Variants in ERG observed in about 807,000 individuals in gnomAD.
The protein encoded by ERG is ETS transcription factor ERG, also known as transcriptional regulator ERG.
ERG carries 9 observed loss-of-function variants against 55.3 expected under a neutral mutation model. That is an observed-to-expected ratio of 0.16 (90% CI 0.10 to 0.28). ERG has a LOEUF of 0.28. Among genes scored for constraint, ERG ranks in the 10% least tolerant of loss-of-function variants. The pLI is 1.00. For missense variants in ERG, 434 were observed against 631.6 expected (o/e 0.69, Z 3.35); for synonymous variants, 223 against 237.3 (o/e 0.94, Z 0.55).
chr21:38,458,317 G>A (rs1241527535), intron 1 of ERG, among the ~76,000 whole-genome samples: 8 of 151,874 alleles, frequency 5.3e-5, no homozygotes, highest in Non-Finnish European at 8.8e-5. Flanking sequence ...CCAGCTACTC[G>A]GTAGGCCGAG....
chr21:38,428,764 C>T (rs1989963532), intron 2 of ERG, among the ~76,000 whole-genome samples: 1 of 152,162 alleles, frequency 6.6e-6, no homozygotes, highest in Non-Finnish European at 1.5e-5. Flanking sequence ...AACAGATAAT[C>T]ATTTAGTAAA....
chr21:38,591,406 G>A (rs1371211282), intron 1 of ERG, among the ~76,000 whole-genome samples: 1 of 152,180 alleles, frequency 6.6e-6, no homozygotes. Context: ...AGTTAGGGAG[G>A]GAGTGGCAGT....
chr21:38,367,554 G>C, the ERG span: 2 of 484,258 alleles, frequency 4.1e-6, no homozygotes, highest in Non-Finnish European at 8.0e-6. Context: ...GATGCAAAGA[G>C]AAGGCCACGC....
intron 2 of ERG, among the ~76,000 whole-genome samples, chr21:38,523,053 T>C (rs939910329): frequency 6.6e-6 from 1 of 152,232 alleles, no homozygotes; most frequent in African/African-American, 2.4e-5. Flanking sequence ...AAATGGTTTC[T>C]CAAAGGAGGC....
chr21:38,548,969 C>T (rs1426597452), intron 2 of ERG, among the ~76,000 whole-genome samples: 1 of 151,330 alleles, frequency 6.6e-6, no homozygotes, highest in African/African-American at 2.4e-5. Context: ...AAAAATTAGC[C>T]AGGCATGGTG....
At chr21:38,643,021 C>T (rs1282236834) in intron 1 of ERG, among the ~76,000 whole-genome samples, 1 of 152,142 alleles carries the variant, frequency 6.6e-6, no homozygotes, top group Admixed American at 6.5e-5. Context: ...TCTTAGCGCC[C>T]CCTTCCCTTA....
At chr21:38,488,110 C>A (rs1772845919) in intron 1 of ERG, among the ~76,000 whole-genome samples, 1 of 152,120 alleles carries the variant, frequency 6.6e-6, no homozygotes, top group South Asian at 2.1e-4. Context: ...CTTCCCTTCG[C>A]AATGCACTGT....
intron 1 of ERG, among the ~76,000 whole-genome samples, chr21:38,653,256 C>G (rs564163445): frequency 1.3e-5 from 2 of 152,332 alleles, no homozygotes; most frequent in Admixed American, 1.3e-4. Flanking sequence ...TTACACAGAA[C>G]ATAAGGCAAA....
chr21:38,524,627 G>C (rs960651814), intron 2 of ERG, among the ~76,000 whole-genome samples: 1 of 152,112 alleles, frequency 6.6e-6, no homozygotes, highest in Non-Finnish European at 1.5e-5. Context: ...ATAAGCAAAA[G>C]GACCTTTGGT....
At chr21:38,391,149 G>T (rs1021834270) in intron 8 of ERG, 107 bp from the exon 9 acceptor site, 1 of 918,180 alleles carries the variant, frequency 1.1e-6, no homozygotes, top group Non-Finnish European at 1.8e-6. Context: ...TTTCAGAGCC[G>T]AAAATGTCCT....
At chr21:38,563,034 T>C (rs2059902181) in intron 2 of ERG, among the ~76,000 whole-genome samples, 1 of 152,188 alleles carries the variant, frequency 6.6e-6, no homozygotes, top group South Asian at 2.1e-4. Flanking sequence ...AAAGGCTACA[T>C]AGTGTATGAT....
intron 2 of ERG, among the ~76,000 whole-genome samples, chr21:38,574,102 T>C (rs1476650523): frequency 1.3e-5 from 2 of 152,226 alleles, no homozygotes; most frequent in Admixed American, 1.3e-4. Context: ...ATAAAATGAA[T>C]TTCAGTTGCC....
intron 6 of ERG, among the ~76,000 whole-genome samples, chr21:38,392,738 T>G (rs914775835): frequency 6.6e-6 from 1 of 152,236 alleles, no homozygotes; most frequent in African/African-American, 2.4e-5. Flanking sequence ...TAAAAGTTTC[T>G]TACAATCTAG....
intron 1 of ERG, among the ~76,000 whole-genome samples, chr21:38,481,160 A>T (rs140141146): frequency 6.6e-6 from 1 of 152,342 alleles, no homozygotes; most frequent in Non-Finnish European, 1.5e-5. Context: ...TTCTCAAATA[A>T]AGGTCATTTC....
At chr21:38,657,460 T>TA (rs1373512752) in intron 1 of ERG, among the ~76,000 whole-genome samples, 1 of 152,244 alleles carries the variant, frequency 6.6e-6, no homozygotes, top group African/African-American at 2.4e-5. Flanking sequence ...TACTTATACT[T>TA]AAATTTAGCA....
intron 1 of ERG, among the ~76,000 whole-genome samples, chr21:38,466,888 A>G (rs1279737386): frequency 6.6e-6 from 1 of 152,194 alleles, no homozygotes; most frequent in Non-Finnish European, 1.5e-5. Context: ...ACTTTTCCCC[A>G]AAATGAAATC....
intron 1 of ERG, among the ~76,000 whole-genome samples, chr21:38,446,825 T>C (rs576608135): frequency 5.5e-4 from 84 of 152,266 alleles, no homozygotes; most frequent in African/African-American, 2.0e-3. Flanking sequence ...TAATCTTGAA[T>C]GAGCTGGCCA....
chr21:38,564,981 C>T (rs1275026892), intron 2 of ERG, among the ~76,000 whole-genome samples: 1 of 152,202 alleles, frequency 6.6e-6, no homozygotes, highest in Non-Finnish European at 1.5e-5. Context: ...ACAGGCATCT[C>T]CAACTCAACA....
chr21:38,436,863 T>C (rs1239711089), intron 2 of ERG, among the ~76,000 whole-genome samples: 2 of 141,336 alleles, frequency 1.4e-5, no homozygotes, highest in Non-Finnish European at 1.6e-5. Context: ...TGGTAGACCA[T>C]GAGCTCCTCT....
Sources: allele counts gnomAD v4.1 joint callset (sites outside exome capture counted in the v4.1 genomes callset), GRCh38; gene constraint gnomAD v4.1.1; transcripts MANE v1.5; gene names NCBI Gene and HGNC (gene_info 2026-07-23, HGNC 2026-07-21).